CNTN4: variants seen among roughly 807,000 people sequenced by gnomAD.
The protein encoded by CNTN4 is contactin-4.
CNTN4 carries 77 observed loss-of-function variants against 122.5 expected under a neutral mutation model. The observed-to-expected ratio is 0.63, with a 90% CI of 0.52 to 0.76. CNTN4 has a LOEUF of 0.76. Ranked by LOEUF, CNTN4 falls within the 30% of genes least tolerant of loss-of-function variation. CNTN4 has a pLI of 0.00. For missense variants in CNTN4, 1,256 were observed against 1,259.1 expected (o/e 1.00, Z 0.04); for synonymous variants, 512 against 447.0 (o/e 1.15, Z -1.83).
chr3:2,297,972 C>G (rs375203604), intron 2 of CNTN4, among the ~76,000 whole-genome samples: 8 of 152,274 alleles, frequency 5.3e-5, no homozygotes, highest in African/African-American at 1.9e-4. Flanking sequence ...GCTCTAGCAT[C>G]CTGCCTGCCT....
At chr3:2,873,555 AT>A (rs1347511333) in intron 8 of CNTN4, among the ~76,000 whole-genome samples, 1 of 152,200 alleles carries the variant, frequency 6.6e-6, no homozygotes, top group East Asian at 1.9e-4. Context: ...AAACTAAAAG[AT>A]TCTGAAATAT....
chr3:2,727,682 A>G (rs2088331891), intron 4 of CNTN4, among the ~76,000 whole-genome samples: 1 of 152,158 alleles, frequency 6.6e-6, no homozygotes, highest in Admixed American at 6.5e-5. Context: ...TGGCATTACA[A>G]ACGATTAGGG....
At chr3:2,393,941 A>G (rs2046538180) in intron 3 of CNTN4, among the ~76,000 whole-genome samples, 1 of 152,080 alleles carries the variant, frequency 6.6e-6, no homozygotes, top group Admixed American at 6.6e-5. Context: ...TCCTAACCCT[A>G]AGAGACAGCT....
intron 2 of CNTN4, among the ~76,000 whole-genome samples, chr3:2,224,927 G>T (rs973400824): frequency 1.3e-5 from 2 of 151,904 alleles, no homozygotes; most frequent in South Asian, 2.1e-4. Flanking sequence ...GAGGCGGGTG[G>T]ATCACGAGGT....
At chr3:2,767,795 C>A (rs1212596559) in intron 6 of CNTN4, among the ~76,000 whole-genome samples, 2 of 152,202 alleles carry the variant, frequency 1.3e-5, no homozygotes, top group Non-Finnish European at 2.9e-5. Flanking sequence ...CTGTGGCTAA[C>A]CTGACAACCC....
At chr3:2,195,501 T>C (rs1031419676) in intron 2 of CNTN4, among the ~76,000 whole-genome samples, 1 of 152,254 alleles carries the variant, frequency 6.6e-6, no homozygotes, top group Non-Finnish European at 1.5e-5. Flanking sequence ...GGAACCTCCA[T>C]ATTGTTTTCC....
chr3:3,027,263 G>C (rs1233618089), intron 15 of CNTN4, among the ~76,000 whole-genome samples: 1 of 152,194 alleles, frequency 6.6e-6, no homozygotes, highest in Middle Eastern at 3.2e-3. Flanking sequence ...TGTTGTCTCA[G>C]TTCTATGCCA....
chr3:2,781,157 G>A lies in CNTN4; in HGVS notation c.358+35460G>A, dbSNP rs1032119208. On this transcript the variant is annotated intron_variant, in intron 6 of 24. Coordinates refer to ENST00000418658, the MANE Select transcript of CNTN4 (RefSeq NM_175607.3). ...GTTGAAACAGTGTATCCACCTAAAC[G>A]AGGAATAAAGATGCTTTTCATCTTA... 2.6e-5 allele frequency among the ~76,000 whole-genome samples: 4 copies of A among 152,138 alleles called. No individual in the cohort carries two copies. The South Asian group carries it at 6.2e-4, about 24-fold the overall frequency.
chr3:2,207,186 T>G (rs2149418619), intron 2 of CNTN4, among the ~76,000 whole-genome samples: 1 of 152,174 alleles, frequency 6.6e-6, no homozygotes, highest in African/African-American at 2.4e-5. Context: ...CTAGTCTCTC[T>G]GTCTCTCTTA....
intron 2 of CNTN4, among the ~76,000 whole-genome samples, chr3:2,280,186 G>A (rs765517310): frequency 1.9e-4 from 29 of 152,010 alleles, no homozygotes; most frequent in Non-Finnish European, 3.1e-4. Flanking sequence ...TCTCAAACTC[G>A]TGGGCTCAAG....
intron 3 of CNTN4, among the ~76,000 whole-genome samples, chr3:2,561,869 C>T (rs562205425): frequency 6.6e-6 from 1 of 152,160 alleles, no homozygotes; most frequent in Non-Finnish European, 1.5e-5. Context: ...ACTTGAAATG[C>T]CATGCTGAGA....
chr3:2,765,279 C>G (rs546609980), intron 6 of CNTN4, among the ~76,000 whole-genome samples: 1 of 151,716 alleles, frequency 6.6e-6, no homozygotes, highest in Non-Finnish European at 1.5e-5. Flanking sequence ...AGTTTCTGCA[C>G]GGAGATGAAA....
At chr3:2,957,815 G>T (rs1223939439) in intron 13 of CNTN4, among the ~76,000 whole-genome samples, 4 of 152,026 alleles carry the variant, frequency 2.6e-5, no homozygotes, top group African/African-American at 9.7e-5. Flanking sequence ...TATATGTGTT[G>T]CATTTTCTCT....
chr3:3,037,973 A>G (rs540980338), intron 18 of CNTN4, among the ~76,000 whole-genome samples: 3 of 152,160 alleles, frequency 2.0e-5, no homozygotes, highest in Non-Finnish European at 1.5e-5. Flanking sequence ...AGAGGCCTAC[A>G]TGTGCCGTCT....
At chr3:2,319,209 A>G (rs555709679) in intron 2 of CNTN4, among the ~76,000 whole-genome samples, 2 of 152,128 alleles carry the variant, frequency 1.3e-5, no homozygotes, top group East Asian at 1.9e-4. Flanking sequence ...AATATTTTAT[A>G]TATATTATTT....
At chr3:2,854,268 C>T (rs113770778) in intron 7 of CNTN4, among the ~76,000 whole-genome samples, 46 of 90,046 alleles carry the variant, frequency 5.1e-4, no homozygotes, top group East Asian at 9.6e-4. Context: ...CTTTCTTCTT[C>T]TTTTTTTTTT....
intron 2 of CNTN4, among the ~76,000 whole-genome samples, chr3:2,217,201 AT>A (rs2038880417): frequency 1.3e-5 from 2 of 151,958 alleles, no homozygotes; most frequent in African/African-American, 4.8e-5. Flanking sequence ...CTTCCTCCTC[AT>A]GCTTCAACAA....
chr3:2,252,461 G>A (rs542978482), intron 2 of CNTN4, among the ~76,000 whole-genome samples: 1 of 151,950 alleles, frequency 6.6e-6, no homozygotes. Flanking sequence ...AGTCTTCTCT[G>A]TCACTGTGTT....
chr3:2,454,965 G>C (rs963601181), intron 3 of CNTN4, among the ~76,000 whole-genome samples: 1 of 152,140 alleles, frequency 6.6e-6, no homozygotes, highest in Non-Finnish European at 1.5e-5. Context: ...AGATAAAAGA[G>C]TCTTTGATTA....
Sources: gnomAD v4.1 joint callset for allele counts (sites outside exome capture counted in the v4.1 genomes callset) on GRCh38, gnomAD v4.1.1 for gene constraint, MANE v1.5 for transcripts, NCBI Gene and HGNC (gene_info 2026-07-23, HGNC 2026-07-21) for gene names.